The following BCAS3 variants were observed in gnomAD, a reference collection of about 807,000 sequenced individuals.
BCAS3 encodes BCAS3 microtubule associated cell migration factor.
BCAS3 carries 53 observed loss-of-function variants against 116.1 expected under a neutral mutation model. The ratio of observed to expected loss-of-function variants is 0.46; its 90% CI spans 0.37 to 0.57. The LOEUF is 0.57. Among genes scored for constraint, BCAS3 ranks in the 20% least tolerant of loss-of-function variants. The pLI is 0.00. For missense variants in BCAS3, 917 were observed against 1,165.4 expected, an observed-to-expected ratio of 0.79 and a Z score of 3.10; for synonymous variants, 391 against 408.2, an observed-to-expected ratio of 0.96 and a Z score of 0.51.
At chr17:60,838,768 T>C (rs2051608154) in intron 7 of BCAS3, among the ~76,000 whole-genome samples, 1 of 152,214 alleles carries the variant, frequency 6.6e-6, no homozygotes. Flanking sequence ...CTAGACAAAA[T>C]CTAAAAAAAT....
At chr17:61,310,833 G>A (rs3902105) in intron 22 of BCAS3, among the ~76,000 whole-genome samples, 42,255 of 151,902 alleles carry the variant, frequency 0.28, 8,291 homozygotes, top group African/African-American at 0.56. Context: ...TTTGGCCTGT[G>A]TGTGTAGGGG....
chr17:61,245,846 A>G (rs2047899423), intron 22 of BCAS3, among the ~76,000 whole-genome samples: 1 of 152,192 alleles, frequency 6.6e-6, no homozygotes. Flanking sequence ...GGAGGTACCT[A>G]CTGCCTAGTG....
chr17:61,273,946 T>TATTTC (rs879299866), intron 22 of BCAS3, among the ~76,000 whole-genome samples: 64 of 151,336 alleles, frequency 4.2e-4, no homozygotes, highest in Non-Finnish European at 8.8e-4. Context: ...TAATTTATTT[T>TATTTC]ATTTTATTTT....
chr17:60,921,690 A>G (rs938743572), intron 12 of BCAS3, among the ~76,000 whole-genome samples: 5 of 151,682 alleles, frequency 3.3e-5, no homozygotes, highest in African/African-American at 1.2e-4. Flanking sequence ...ACTGCAGACT[A>G]CTAGAGTGGG....
chr17:61,027,157 T>C (rs1406374466), intron 16 of BCAS3, among the ~76,000 whole-genome samples: 1 of 151,248 alleles, frequency 6.6e-6, no homozygotes, highest in African/African-American at 2.4e-5. Context: ...TTTTTTTAAA[T>C]AGAAGAATTC....
At chr17:60,692,440 C>T (rs1254082424) in intron 4 of BCAS3, among the ~76,000 whole-genome samples, 1 of 152,084 alleles carries the variant, frequency 6.6e-6, no homozygotes, top group African/African-American at 2.4e-5. Context: ...GACGGGGTTT[C>T]ATCATGTTAG....
chr17:61,166,936 C>T (rs1398773786), intron 22 of BCAS3, among the ~76,000 whole-genome samples: 1 of 151,768 alleles, frequency 6.6e-6, no homozygotes, highest in East Asian at 2.0e-4. Context: ...TACTCCATCT[C>T]TACAACAATG....
rs144506852 is a variant in BCAS3, at chr17:61,379,953, G to A, written c.2593+11459G>A. The A allele has an allele frequency of 7.6e-4, 118 of 154,650 alleles. No homozygotes were observed. The highest frequency in any genetic ancestry group is 1.4e-3 in the Non-Finnish European group (100 of 69,598). 9.6% of individuals were successfully genotyped at this position (154,650 alleles called of 1,614,324 possible). A position where few individuals can be genotyped will look rare whatever the true frequency, so the allele number is the denominator to read the frequency against. On this transcript the variant is annotated intron_variant, in intron 23 of 23. Transcript: ENST00000407086. This position sits in a 1 kb window ranked among gnomAD's most constrained non-coding sequence, Gnocchi z 5.5. ...GTGTGTGACTGTTTGGTGCTGACCC[G>A]AGGGGTGGGTTGGTGGAGTACGAGC...
chr17:61,207,473 A>G (rs2081211599), intron 22 of BCAS3, among the ~76,000 whole-genome samples: 1 of 152,140 alleles, frequency 6.6e-6, no homozygotes, highest in South Asian at 2.1e-4. Flanking sequence ...TGAATGCATG[A>G]CTAGATTCAA....
Position 61,130,384 on chromosome 17 carries a change from A to T in BCAS3, c.2425+45820A>T, listed in dbSNP as rs1221353901. Among the ~76,000 whole-genome samples the T allele has an allele frequency of 6.6e-6, 1 of 152,176 alleles. No individual in the cohort carries two copies. The highest frequency in any genetic ancestry group is 1.5e-5 in the Non-Finnish European group (1 of 68,032). On this transcript the variant is annotated intron_variant, in intron 22 of 23. Coordinates refer to ENST00000407086, the MANE Select transcript of BCAS3 (RefSeq NM_017679.5). The surrounding 1 kb of genome is among the most constrained non-coding windows in gnomAD (Gnocchi z 5.0). ...CTCGTATCCAAAAGAACCACAATAC[A>T]ACCCAAGACCCCAATCATTAGAATA...
At position 61,343,230 on chromosome 17, in the gene BCAS3, G is replaced by A. The variant is rs1013670440; in HGVS notation, c.2426-25097G>A. ...TTGGCCAAGGCTGTTGCCACACAAG[G>A]TGGGGAAGTGACGTTTCTAAAGGTG... On this transcript the variant is annotated intron_variant, in intron 22 of 23. Coordinates refer to ENST00000407086, the MANE Select transcript of BCAS3 (RefSeq NM_017679.5). This position sits in a 1 kb window ranked among gnomAD's most constrained non-coding sequence, Gnocchi z 5.5. Among the ~76,000 whole-genome samples the A allele has an allele frequency of 6.6e-6, 1 of 152,226 alleles. No homozygotes were observed. Among genetic ancestry groups the A allele is most frequent in the African/African-American group, 2.4e-5 (1 of 41,456 alleles).
At chr17:60,809,876 A>G (rs1399694134) in intron 7 of BCAS3, among the ~76,000 whole-genome samples, 1 of 152,240 alleles carries the variant, frequency 6.6e-6, no homozygotes, top group Non-Finnish European at 1.5e-5. Flanking sequence ...ACATAGATGC[A>G]TGGCCAGACC....
chr17:60,692,852 G>A (rs1002033218), intron 4 of BCAS3, among the ~76,000 whole-genome samples: 1 of 151,582 alleles, frequency 6.6e-6, no homozygotes, highest in Non-Finnish European at 1.5e-5. Flanking sequence ...CCAAGATCGC[G>A]CCACTGCACT....
At position 61,365,529 on chromosome 17, in the gene BCAS3, T is replaced by C. The variant is rs998175506; in HGVS notation, c.2426-2798T>C. On this transcript the variant is annotated intron_variant, in intron 22 of 23. Coordinates refer to ENST00000407086, the MANE Select transcript of BCAS3 (RefSeq NM_017679.5). This position sits in a 1 kb window ranked among gnomAD's most constrained non-coding sequence, Gnocchi z 4.6. The stretch of plus-strand genomic sequence containing the variant: ...TTGTATTTTTAGTCGAGATGGCGTT[T>C]CACCATGTTGTCCAGGCTGGTCTCA... Among the ~76,000 whole-genome samples the C allele has an allele frequency of 1.2e-4, 19 of 152,276 alleles. No homozygotes were observed. The highest frequency in any genetic ancestry group is 4.3e-4 in the African/African-American group (18 of 41,554).
chr17:60,751,407 TTAAG>T (rs1399376596), intron 6 of BCAS3, among the ~76,000 whole-genome samples: 1 of 152,250 alleles, frequency 6.6e-6, no homozygotes, highest in Admixed American at 6.5e-5. Flanking sequence ...ATTCATTACT[TTAAG>T]TAGCCATTTT....
rs1214217279 is a variant in BCAS3, at chr17:61,136,291, G to C, written c.2425+51727G>C. Reference sequence around the variant, plus strand: ...CTGCACCTGGAGCATCTTGGACATAGCTTTGTTTCCACCTTGCATTCACCC... The same window carrying C: ...CTGCACCTGGAGCATCTTGGACATACCTTTGTTTCCACCTTGCATTCACCC... On this transcript the variant is annotated intron_variant, in intron 22 of 23. Coordinates refer to ENST00000407086, the MANE Select transcript of BCAS3 (RefSeq NM_017679.5). The surrounding 1 kb of genome is among the most constrained non-coding windows in gnomAD (Gnocchi z 4.4). Among the ~76,000 whole-genome samples the C allele has an allele frequency of 6.6e-6, 1 of 152,142 alleles. No homozygotes were observed. Among genetic ancestry groups the C allele is most frequent in the Non-Finnish European group, 1.5e-5 (1 of 68,032 alleles).
At chr17:61,197,338 T>TA (rs2080539677) in intron 22 of BCAS3, among the ~76,000 whole-genome samples, 1 of 152,232 alleles carries the variant, frequency 6.6e-6, no homozygotes, top group Non-Finnish European at 1.5e-5. Flanking sequence ...TCTCCAGTCT[T>TA]ACGTTTGCTT....
At chr17:60,717,891 A>C (rs1021241487) in intron 5 of BCAS3, among the ~76,000 whole-genome samples, 28 of 152,184 alleles carry the variant, frequency 1.8e-4, no homozygotes, top group African/African-American at 6.5e-4. Context: ...CATAATGTAG[A>C]ATCAGTGGGA....
intron 22 of BCAS3, among the ~76,000 whole-genome samples, chr17:61,329,601 A>G (rs1442412444): frequency 1.3e-5 from 2 of 152,114 alleles, no homozygotes; most frequent in Non-Finnish European, 2.9e-5. Flanking sequence ...TCGGCCTCCC[A>G]AAGTGCTGGG....
Sources: allele counts gnomAD v4.1 joint callset (sites outside exome capture counted in the v4.1 genomes callset), GRCh38; gene constraint gnomAD v4.1.1; non-coding constraint Gnocchi (gnomAD v3.1); transcripts MANE v1.5; gene names NCBI Gene and HGNC (gene_info 2026-07-23, HGNC 2026-07-21).